The following ZFPM2 variants were observed in gnomAD, a reference collection of about 807,000 sequenced individuals.
The protein encoded by ZFPM2 is zinc finger protein, FOG family member 2, also known as zinc finger protein ZFPM2.
ZFPM2 carries 20 observed loss-of-function variants against 98.6 expected under a neutral mutation model. That is an observed-to-expected ratio of 0.20 (90% confidence interval 0.14 to 0.29). The LOEUF (loss-of-function observed/expected upper bound fraction) is 0.29. Ranked by LOEUF, ZFPM2 falls within the 10% of genes least tolerant of loss-of-function variation. The pLI, the probability that ZFPM2 is intolerant of heterozygous loss-of-function variation, is 1.00. For missense variants in ZFPM2, 1,310 were observed against 1,388.6 expected (o/e 0.94, Z 0.90); for synonymous variants, 518 against 502.7 (o/e 1.03, Z -0.41).
intron 4 of ZFPM2, among the ~76,000 whole-genome samples, chr8:105,601,279 C>T (rs1163309602): frequency 2.0e-5 from 3 of 152,052 alleles, no homozygotes; most frequent in African/African-American, 7.2e-5. Context: ...ACACCAAGCC[C>T]AGTAGCTGGC....
intron 3 of ZFPM2, among the ~76,000 whole-genome samples, chr8:105,511,262 T>C (rs1037514710): frequency 1.3e-5 from 2 of 152,362 alleles, no homozygotes; most frequent in Non-Finnish European, 2.9e-5. Context: ...TTTCACTTTC[T>C]ATCTTATAGA....
chr8:105,558,459 G>A (rs1457594417), intron 3 of ZFPM2, among the ~76,000 whole-genome samples: 3 of 152,098 alleles, frequency 2.0e-5, no homozygotes, highest in Admixed American at 1.3e-4. Context: ...TTCTGTTGTG[G>A]CCATATTTAA....
At chr8:105,514,620 T>G (rs1813884229) in intron 3 of ZFPM2, among the ~76,000 whole-genome samples, 1 of 152,140 alleles carries the variant, frequency 6.6e-6, no homozygotes, top group African/African-American at 2.4e-5. Context: ...TGTGTCTGCC[T>G]GAAGCACACT....
At chr8:105,372,017 ATTATT>A (rs1810631542) in intron 1 of ZFPM2, among the ~76,000 whole-genome samples, 1 of 31,190 alleles carries the variant, frequency 3.2e-5, no homozygotes, top group Non-Finnish European at 6.7e-5. Flanking sequence ...TATTATTATT[ATTATT>A]ATTATTATTA....
chr8:105,790,900 T>C (rs2131142890), intron 6 of ZFPM2, among the ~76,000 whole-genome samples: 2 of 151,798 alleles, frequency 1.3e-5, no homozygotes, highest in South Asian at 2.1e-4. Flanking sequence ...CTGTTTGTTA[T>C]TGGTGTATAA....
At chr8:105,330,618 A>ATATATATACG (rs1812211034) in intron 1 of ZFPM2, among the ~76,000 whole-genome samples, 1 of 60,586 alleles carries the variant, frequency 1.7e-5, no homozygotes, top group African/African-American at 9.5e-5. Flanking sequence ...ATACACATAT[A>ATATATATACG]TATATATATA....
intron 4 of ZFPM2, among the ~76,000 whole-genome samples, chr8:105,562,909 A>G (rs1429133625): frequency 6.6e-6 from 1 of 152,204 alleles, no homozygotes; most frequent in African/African-American, 2.4e-5. Flanking sequence ...TATTCTGCCT[A>G]CCACATGGGA....
At position 105,549,115 on chromosome 8, in the gene ZFPM2, GATA is replaced by G. The variant is rs1814782469; in HGVS notation, c.302-12244_302-12242del. The stretch of plus-strand genomic sequence containing the variant: ...ACAGCAAGAAACTATGCTCATGAGT[GATA>G]ATATCAGCTTTCCTTCCTTCATTTC... On this transcript the variant is annotated intron_variant, in intron 3 of 7. Coordinates refer to ENST00000407775, the MANE Select transcript of ZFPM2 (RefSeq NM_012082.4). 7.9e-5 allele frequency among the ~76,000 whole-genome samples: 12 copies of G among 152,190 alleles called. No homozygotes were observed. The South Asian group carries it at 2.5e-3, about 32-fold the overall frequency.
At chr8:105,635,667 A>G (rs1333599795) in intron 5 of ZFPM2, among the ~76,000 whole-genome samples, 2 of 152,220 alleles carry the variant, frequency 1.3e-5, no homozygotes, top group Non-Finnish European at 2.9e-5. Context: ...CAGTTTACCA[A>G]TGCCGACATT....
chr8:105,391,838 A>T (rs1162165795), intron 1 of ZFPM2, among the ~76,000 whole-genome samples: 1 of 152,212 alleles, frequency 6.6e-6, no homozygotes, highest in South Asian at 2.1e-4. Context: ...TAAGTCATCC[A>T]TAAGAGTTGG....
At chr8:105,490,828 GT>G (rs1263820480) in intron 3 of ZFPM2, among the ~76,000 whole-genome samples, 1 of 152,052 alleles carries the variant, frequency 6.6e-6, no homozygotes, top group African/African-American at 2.4e-5. Flanking sequence ...ACAAAATACA[GT>G]ACTTGCATGT....
intron 5 of ZFPM2, among the ~76,000 whole-genome samples, chr8:105,638,525 A>C (rs984713787): frequency 3.3e-5 from 5 of 152,178 alleles, no homozygotes; most frequent in Non-Finnish European, 7.4e-5. Flanking sequence ...TATAAACTCA[A>C]TGCCAAATCA....
intron 1 of ZFPM2, among the ~76,000 whole-genome samples, chr8:105,385,531 C>A (rs1330611585): frequency 6.6e-6 from 1 of 152,204 alleles, no homozygotes; most frequent in Non-Finnish European, 1.5e-5. Flanking sequence ...TCTATCCCAA[C>A]TTTCCCTTTG....
chr8:105,410,665 G>T (rs1399866474), intron 1 of ZFPM2, among the ~76,000 whole-genome samples: 1 of 151,884 alleles, frequency 6.6e-6, no homozygotes, highest in African/African-American at 2.4e-5. Flanking sequence ...AATGCAGTTT[G>T]TTAGATAAGA....
chr8:105,629,945 C>G lies in ZFPM2; in HGVS notation c.421-4301C>G, dbSNP rs528224857. The stretch of plus-strand genomic sequence containing the variant: ...ATAGTCTAGGATAATCTCACCATCT[C>G]ATGGTACAAAAAGTTAATCACCTCT... On this transcript the variant is annotated intron_variant, in intron 4 of 7. Transcript: ENST00000407775. Among the ~76,000 whole-genome samples, 10 of 152,272 alleles carry G rather than the reference C, an allele frequency of 6.6e-5. No individual in the cohort carries two copies. The East Asian group carries it at 1.9e-3, about 29-fold the overall frequency.
rs1176397419 is a variant in ZFPM2, at chr8:105,801,389, C to G, written c.1307C>G (p.Thr436Arg). The G allele has an allele frequency of 1.9e-6, 3 of 1,613,784 alleles. No homozygotes were observed. Among genetic ancestry groups the G allele is most frequent in the Non-Finnish European group, 2.5e-6 (3 of 1,179,870 alleles). The change falls in exon 8 of 8, where the codon ACA becomes AGA. Residue 436 changes from threonine to arginine, a missense_variant. Coordinates refer to ENST00000407775, the MANE Select transcript of ZFPM2 (RefSeq NM_012082.4). The stretch of plus-strand genomic sequence containing the variant: ...CAGACTAAAGATGCGAGCTCTGACA[C>G]AGAGCTGGACAAGTGTGAGAAAAAG... The part of the protein sequence containing the change: ...AMQTKDASSD[T>R]ELDKCEKKTQ...
intron 5 of ZFPM2, among the ~76,000 whole-genome samples, chr8:105,702,454 T>C (rs1378915621): frequency 6.6e-6 from 1 of 152,194 alleles, no homozygotes; most frequent in Non-Finnish European, 1.5e-5. Flanking sequence ...AATGGCTGTG[T>C]CATTTGGTAG....
At chr8:105,636,031 T>A (rs1326899243) in intron 5 of ZFPM2, among the ~76,000 whole-genome samples, 1 of 152,142 alleles carries the variant, frequency 6.6e-6, no homozygotes, top group Non-Finnish European at 1.5e-5. Flanking sequence ...ATACATAACC[T>A]AATGGTAATT....
At chr8:105,793,867 A>G (rs1041698611) in intron 6 of ZFPM2, among the ~76,000 whole-genome samples, 13 of 150,426 alleles carry the variant, frequency 8.6e-5, no homozygotes, top group Non-Finnish European at 1.6e-4. Flanking sequence ...AGTTGATCAC[A>G]TCGGCTCCTG....
Sources: gnomAD v4.1 joint callset for allele counts (sites outside exome capture counted in the v4.1 genomes callset) on GRCh38, gnomAD v4.1.1 for gene constraint, MANE v1.5 for transcripts, NCBI Gene and HGNC (gene_info 2026-07-23, HGNC 2026-07-21) for gene names.